CFDP1: variants seen among roughly 807,000 people sequenced by gnomAD.
CFDP1 encodes chromatin remodeling protein CFDP1, also known as heterochromatin-stabilizing protein CFDP1.
In CFDP1, 31 loss-of-function variants were observed where a neutral mutation model predicts 40.1. The observed-to-expected ratio is 0.77, with a 90% CI of 0.58 to 1.04. The LOEUF (loss-of-function observed/expected upper bound fraction) is 1.04. Ranked by LOEUF, CFDP1 falls within the 50% of genes least tolerant of loss-of-function variation. The pLI is 0.00. For missense variants in CFDP1, 423 were observed against 343.4 expected (o/e 1.23, Z -1.83); for synonymous variants, 167 against 120.0 (o/e 1.39, Z -2.56).
At chr16:75,376,049 A>C (rs2078792810) in intron 5 of CFDP1, among the ~76,000 whole-genome samples, 1 of 152,110 alleles carries the variant, frequency 6.6e-6, no homozygotes, top group African/African-American at 2.4e-5. Flanking sequence ...CATCTCTACA[A>C]AAAAATTAAA....
intron 1 of CFDP1, among the ~76,000 whole-genome samples, chr16:75,425,690 T>C (rs2079332787): frequency 6.6e-6 from 1 of 151,190 alleles, no homozygotes; most frequent in Non-Finnish European, 1.5e-5. Flanking sequence ...ATAACTCATA[T>C]CTTATGCAAA....
At chr16:75,303,364 T>TAAATAA (rs1174462496) in intron 6 of CFDP1, among the ~76,000 whole-genome samples, 1 of 131,076 alleles carries the variant, frequency 7.6e-6, no homozygotes, top group Non-Finnish European at 1.6e-5. Context: ...AGACTCCATC[T>TAAATAA]CTAAATAAAT....
At chr16:75,401,618 T>C (rs1395747928) in intron 4 of CFDP1, among the ~76,000 whole-genome samples, 1 of 151,904 alleles carries the variant, frequency 6.6e-6, no homozygotes, top group Non-Finnish European at 1.5e-5. Flanking sequence ...AAAAAAAAGA[T>C]TCACATCAAG....
At chr16:75,360,019 C>G (rs1459272524) in intron 5 of CFDP1, among the ~76,000 whole-genome samples, 2 of 152,116 alleles carry the variant, frequency 1.3e-5, no homozygotes, top group Non-Finnish European at 2.9e-5. Context: ...ATCCTCCTGC[C>G]TCAGCCTTCC....
chr16:75,426,530 G>C (rs1478300741), intron 1 of CFDP1, among the ~76,000 whole-genome samples: 1 of 151,980 alleles, frequency 6.6e-6, no homozygotes, highest in African/African-American at 2.4e-5. Flanking sequence ...TACTCTGCAG[G>C]CCAGGCATGG....
intron 5 of CFDP1, among the ~76,000 whole-genome samples, chr16:75,341,782 C>T (rs2078528968): frequency 1.3e-5 from 2 of 152,100 alleles, no homozygotes; most frequent in African/African-American, 4.8e-5. Flanking sequence ...TATTTTCCAC[C>T]GTTTCTAGGA....
intron 5 of CFDP1, among the ~76,000 whole-genome samples, chr16:75,345,895 T>C (rs1014480669): frequency 1.3e-5 from 2 of 152,354 alleles, no homozygotes; most frequent in East Asian, 3.9e-4. Flanking sequence ...TAAGACCTGG[T>C]CATGTCATCG....
intron 5 of CFDP1, among the ~76,000 whole-genome samples, chr16:75,326,408 G>A (rs1432654905): frequency 2.6e-5 from 4 of 152,270 alleles, no homozygotes; most frequent in East Asian, 3.9e-4. Flanking sequence ...ACAACTCCTC[G>A]TCAGAATCTG....
chr16:75,319,577 C>T (rs905959088), intron 5 of CFDP1, among the ~76,000 whole-genome samples: 1 of 152,164 alleles, frequency 6.6e-6, no homozygotes, highest in South Asian at 2.1e-4. Flanking sequence ...TCCGCAACAT[C>T]GTTTGCTCAC....
chr16:75,359,275 T>C (rs530137083), intron 5 of CFDP1, among the ~76,000 whole-genome samples: 27 of 152,324 alleles, frequency 1.8e-4, no homozygotes, highest in African/African-American at 5.1e-4. Context: ...GTCAATAATT[T>C]TGAAGAGCGT....
At chr16:75,303,392 A>T (rs1301166789) in intron 6 of CFDP1, among the ~76,000 whole-genome samples, 2,018 of 63,898 alleles carry the variant, frequency 0.032, 39 homozygotes, top group African/African-American at 0.071. Context: ...TAAATAAATA[A>T]ATAAATAAAT....
chr16:75,318,550 T>C (rs901308978), intron 5 of CFDP1, among the ~76,000 whole-genome samples: 13 of 151,848 alleles, frequency 8.6e-5, no homozygotes, highest in Non-Finnish European at 1.9e-4. Context: ...GGACTACAGG[T>C]GCATGCTGCC....
intron 5 of CFDP1, among the ~76,000 whole-genome samples, chr16:75,379,182 A>T (rs2078830972): frequency 6.7e-6 from 1 of 148,300 alleles, no homozygotes; most frequent in African/African-American, 2.6e-5. Context: ...AGAATCTAGT[A>T]AAAAAAAAGA....
intron 4 of CFDP1, among the ~76,000 whole-genome samples, chr16:75,407,554 C>A: frequency 6.6e-6 from 1 of 150,932 alleles, no homozygotes. Flanking sequence ...GTGGCATATG[C>A]CTGTAGCTCC....
intron 5 of CFDP1, among the ~76,000 whole-genome samples, chr16:75,324,320 ATG>A (rs1424208207): frequency 6.6e-6 from 1 of 152,122 alleles, no homozygotes; most frequent in African/African-American, 2.4e-5. Context: ...AGGCACTGAG[ATG>A]TGTGTGAATG....
intron 6 of CFDP1, among the ~76,000 whole-genome samples, chr16:75,303,400 A>AATAAATAAATGAATGTATGTATGTATGT (rs745774792): frequency 4.4e-4 from 64 of 146,246 alleles, no homozygotes; most frequent in South Asian, 2.1e-3. Flanking sequence ...TAAATAAATA[A>AATAAATAAATGAATGTATGTATGTATGT]ATGTATGTAT....
chr16:75,304,902 C>T (rs937891653), intron 6 of CFDP1, 122 bp downstream of exon 6: 2 of 1,061,382 alleles, frequency 1.9e-6, no homozygotes, highest in African/African-American at 1.6e-5. Flanking sequence ...CCAAAGTGCT[C>T]ACATTTTTAG....
intron 5 of CFDP1, among the ~76,000 whole-genome samples, chr16:75,307,139 A>G (rs1379135956): frequency 6.6e-6 from 1 of 152,176 alleles, no homozygotes; most frequent in African/African-American, 2.4e-5. Context: ...TGCTGTAATT[A>G]GACTGAATTT....
At chr16:75,417,403 G>A (rs2079219465) in intron 1 of CFDP1, among the ~76,000 whole-genome samples, 1 of 152,078 alleles carries the variant, frequency 6.6e-6, no homozygotes, top group African/African-American at 2.4e-5. Flanking sequence ...AATGCAATGT[G>A]TAAAATTTCT....
Sources: allele counts gnomAD v4.1 joint callset (sites outside exome capture counted in the v4.1 genomes callset), GRCh38; gene constraint gnomAD v4.1.1; transcripts MANE v1.5; gene names NCBI Gene and HGNC (gene_info 2026-07-23, HGNC 2026-07-21).